PCDHGB6: variants seen among roughly 807,000 people sequenced by gnomAD.
PCDHGB6 encodes the protein protocadherin gamma subfamily B, 6.
Under a neutral mutation model 59.1 loss-of-function variants are expected in PCDHGB6, and 51 were observed. The ratio of observed to expected loss-of-function variants is 0.86; its 90% CI spans 0.69 to 1.09. PCDHGB6 has a LOEUF of 1.09. Among genes scored for constraint, PCDHGB6 ranks in the 50% least tolerant of loss-of-function variants. PCDHGB6 has a pLI of 0.00. For missense variants in PCDHGB6, 1,148 were observed against 1,205.1 expected (o/e 0.95, Z 0.70); for synonymous variants, 466 against 495.1 (o/e 0.94, Z 0.78).
At chr5:141,475,832 T>G in intron 1 of PCDHGB6, 1 of 410,610 alleles carries the variant, frequency 2.4e-6, no homozygotes, top group Non-Finnish European at 4.4e-6. Flanking sequence ...CTAGCGCGTG[T>G]CCTGCTCAGA....
intron 1 of PCDHGB6, chr5:141,430,974 C>G: frequency 6.2e-7 from 1 of 1,613,072 alleles, no homozygotes; most frequent in East Asian, 2.2e-5. Flanking sequence ...AGAGGTAGGA[C>G]GCAGCTTTTC....
chr5:141,414,209 A>G (rs2095719803), intron 1 of PCDHGB6: 3 of 1,612,712 alleles, frequency 1.9e-6, no homozygotes, highest in South Asian at 2.2e-5. Flanking sequence ...GAAGATGTAA[A>G]TGACAACAGT....
chr5:141,481,104 C>T (rs2099531861), intron 1 of PCDHGB6, among the ~76,000 whole-genome samples: 1 of 152,130 alleles, frequency 6.6e-6, no homozygotes. Context: ...ACTCTGGAAC[C>T]TACCAATCCA....
At chr5:141,412,981 G>C (rs1309699690) in intron 1 of PCDHGB6, 2 of 546,326 alleles carry the variant, frequency 3.7e-6, no homozygotes, top group Non-Finnish European at 3.1e-6. Context: ...AACGCAGCCA[G>C]AGCTCAATCC....
At position 141,491,561 on chromosome 5, in the gene PCDHGB6, A is replaced by C. The variant is rs1289732955; in HGVS notation, c.2419-3246A>C. The C allele has an allele frequency of 1.2e-6, 2 of 1,613,938 alleles. No homozygotes were observed. Among genetic ancestry groups the C allele is most frequent in the Admixed American group, 3.3e-5 (2 of 60,016 alleles). On this transcript the variant is annotated intron_variant, in intron 1 of 3. Transcript: ENST00000520790. This position sits in a 1 kb window ranked among gnomAD's most constrained non-coding sequence, Gnocchi z 6.9. ...CCCACAGACTCGCAGAGCCACTGCT[A>C]CAGGACGTGCTTTTCACCGGCCTCG...
intron 1 of PCDHGB6, among the ~76,000 whole-genome samples, chr5:141,460,914 A>G (rs62379191): frequency 4.9e-5 from 6 of 122,236 alleles, no homozygotes; most frequent in Non-Finnish European, 5.2e-5. Context: ...TCCATGGTGT[A>G]TATATATATA....
intron 1 of PCDHGB6, chr5:141,426,906 C>T (rs2096969568): frequency 4.4e-6 from 2 of 456,654 alleles, no homozygotes; most frequent in Admixed American, 2.3e-5. Context: ...CTCTCATCTC[C>T]TGGTCCTGGA....
At chr5:141,458,103 T>TA (rs1401283935) in intron 1 of PCDHGB6, among the ~76,000 whole-genome samples, 2 of 152,212 alleles carry the variant, frequency 1.3e-5, no homozygotes, top group Non-Finnish European at 2.9e-5. Context: ...TACTTACAGA[T>TA]AGTCTCCAAA....
chr5:141,450,991 A>AT (rs1351194705), intron 1 of PCDHGB6, among the ~76,000 whole-genome samples: 1 of 150,700 alleles, frequency 6.6e-6, no homozygotes. Context: ...CACCCGGCTA[A>AT]TTTTTTTGTA....
intron 1 of PCDHGB6, chr5:141,422,638 T>G (rs1412270971): frequency 6.2e-7 from 1 of 1,612,392 alleles, no homozygotes. Context: ...CAGGGGTGCC[T>G]CCATCTTCTC....
chr5:141,509,148 C>T (rs1345910772), intron 3 of PCDHGB6, among the ~76,000 whole-genome samples: 1 of 152,198 alleles, frequency 6.6e-6, no homozygotes, highest in Non-Finnish European at 1.5e-5. Context: ...CATCCCGGCT[C>T]TCCCCTCCCG....
intron 1 of PCDHGB6, among the ~76,000 whole-genome samples, chr5:141,454,743 G>A (rs1050167077): frequency 6.7e-6 from 1 of 149,684 alleles, no homozygotes; most frequent in African/African-American, 2.5e-5. Context: ...ATGAAAAGAG[G>A]CCAAACTAAT....
At chr5:141,497,307 C>T (rs1295364802) in intron 2 of PCDHGB6, among the ~76,000 whole-genome samples, 1 of 152,096 alleles carries the variant, frequency 6.6e-6, no homozygotes, top group Non-Finnish European at 1.5e-5. Flanking sequence ...CCAGGCCATA[C>T]ACTGGCTTTG....
chr5:141,481,622 G>A (rs957374253), intron 1 of PCDHGB6, among the ~76,000 whole-genome samples: 6 of 151,854 alleles, frequency 4.0e-5, no homozygotes, highest in African/African-American at 1.2e-4. Flanking sequence ...GTTCAAGACC[G>A]GCCTGGCCAA....
chr5:141,427,096 T>A, intron 1 of PCDHGB6: 1 of 458,056 alleles, frequency 2.2e-6, no homozygotes, highest in Non-Finnish European at 4.4e-6. Flanking sequence ...GATGAGGGTG[T>A]CAATGCGGAG....
rs1413400462 is a variant in PCDHGB6 at position 141,408,070 on chromosome 5, T to C, written c.-133T>C. ...ACAGAGCCTCCCGGCTGCGCAGACCTTTCCCAGCACAGCGGATTGCCAGCT... is the reference window on the plus strand; with the variant it reads ...ACAGAGCCTCCCGGCTGCGCAGACCCTTCCCAGCACAGCGGATTGCCAGCT... On this transcript the variant is annotated 5_prime_UTR_variant, in exon 1 of 4. Transcript: ENST00000520790. The C allele has an allele frequency of 2.2e-6, 3 of 1,381,930 alleles. No individual in the cohort carries two copies. Among genetic ancestry groups the C allele is most frequent in the Non-Finnish European group, 2.9e-6 (3 of 1,047,244 alleles). 85.6% of individuals were successfully genotyped at this position (1,381,930 alleles called of 1,614,324 possible). A position where few individuals can be genotyped will look rare whatever the true frequency, so the allele number is the denominator to read the frequency against.
At chr5:141,422,789 TC>T (rs1561803924) in intron 1 of PCDHGB6, 44 of 1,614,158 alleles carry the variant, frequency 2.7e-5, no homozygotes, top group Non-Finnish European at 3.6e-5. Context: ...CTACAATCCT[TC>T]GACTATGAGC....
chr5:141,422,746 T>G (rs763386007), intron 1 of PCDHGB6: 1 of 1,611,014 alleles, frequency 6.2e-7, no homozygotes, highest in Non-Finnish European at 8.5e-7. Context: ...CTCCTATGTC[T>G]CTATTAACTC....
rs543116266 is a variant in PCDHGB6 at position 141,474,428 on chromosome 5, C to A, written c.2419-20379C>A. 3.9e-5 allele frequency among the ~76,000 whole-genome samples: 6 copies of A among 152,346 alleles called. 1 individual carries two copies. In the South Asian group the frequency reaches 1.0e-3, roughly 26 times the overall value. On this transcript the variant is annotated intron_variant, in intron 1 of 3. Coordinates refer to ENST00000520790, the MANE Select transcript of PCDHGB6 (RefSeq NM_018926.3). ...CGGTGATGCCTAGACCATTGGTCCT[C>A]ACACTTTGAGTAGCAAGTGATTGGG...
Sources: gnomAD v4.1 joint callset for allele counts (sites outside exome capture counted in the v4.1 genomes callset) on GRCh38, gnomAD v4.1.1 for gene constraint, Gnocchi (gnomAD v3.1) non-coding constraint, MANE v1.5 for transcripts, NCBI Gene and HGNC (gene_info 2026-07-23, HGNC 2026-07-21) for gene names.